The following JAZF1 variants were observed in gnomAD, a reference collection of about 807,000 sequenced individuals.
JAZF1 encodes the protein JAZF zinc finger 1.
In JAZF1, 8 loss-of-function variants were observed where a neutral mutation model predicts 26.4. The ratio of observed to expected loss-of-function variants is 0.30; its 90% CI spans 0.18 to 0.55. The LOEUF (loss-of-function observed/expected upper bound fraction) is 0.55. Among genes scored for constraint, JAZF1 ranks in the 20% least tolerant of loss-of-function variants. The pLI is 0.94. For synonymous variants in JAZF1, 126 were observed against 122.3 expected, an observed-to-expected ratio of 1.03 and a Z score of -0.20; for missense variants, 199 against 322.0, an observed-to-expected ratio of 0.62 and a Z score of 2.92.
At chr7:28,152,960 G>C (rs1399479733) in intron 1 of JAZF1, among the ~76,000 whole-genome samples, 2 of 152,190 alleles carry the variant, frequency 1.3e-5, no homozygotes, top group Non-Finnish European at 2.9e-5. Context: ...GTGTAAATTG[G>C]TGTTGCATTT....
At chr7:28,158,018 T>C (rs2127950625) in intron 1 of JAZF1, among the ~76,000 whole-genome samples, 1 of 152,132 alleles carries the variant, frequency 6.6e-6, no homozygotes, top group East Asian at 1.9e-4. Flanking sequence ...TATTCTCTCT[T>C]TATCTCTGCA....
chr7:28,109,977 G>A (rs1784615951), intron 1 of JAZF1, among the ~76,000 whole-genome samples: 2 of 152,076 alleles, frequency 1.3e-5, no homozygotes, highest in African/African-American at 4.8e-5. Flanking sequence ...AAGCTGCAAA[G>A]GTTACATTAC....
At chr7:27,892,595 G>A (rs1441536110) in intron 3 of JAZF1, among the ~76,000 whole-genome samples, 2 of 152,194 alleles carry the variant, frequency 1.3e-5, no homozygotes, top group Admixed American at 6.5e-5. Context: ...CATATTATAT[G>A]TGAATAAGTA....
chr7:28,122,820 T>G (rs753370377), intron 1 of JAZF1, among the ~76,000 whole-genome samples: 7 of 152,198 alleles, frequency 4.6e-5, no homozygotes, highest in Non-Finnish European at 8.8e-5. Context: ...GAAAATCTAG[T>G]GAGCCTCTAG....
At chr7:27,881,340 A>C (rs1288425589) in intron 3 of JAZF1, among the ~76,000 whole-genome samples, 1 of 152,218 alleles carries the variant, frequency 6.6e-6, no homozygotes, top group Non-Finnish European at 1.5e-5. Context: ...TTAAATATTA[A>C]CCATTTGTCA....
At chr7:27,903,010 C>T (rs536694215) in intron 2 of JAZF1, among the ~76,000 whole-genome samples, 37 of 104,858 alleles carry the variant, frequency 3.5e-4, no homozygotes, top group African/African-American at 7.5e-4. Flanking sequence ...AGCGAGACTC[C>T]GTCTTAAAAA....
At chr7:27,961,373 A>G (rs1316311048) in intron 2 of JAZF1, among the ~76,000 whole-genome samples, 1 of 152,218 alleles carries the variant, frequency 6.6e-6, no homozygotes, top group African/African-American at 2.4e-5. Flanking sequence ...TATGATGTGT[A>G]TATGAAACGT....
intron 1 of JAZF1, among the ~76,000 whole-genome samples, chr7:28,054,235 G>A (rs1440279505): frequency 1.3e-5 from 2 of 152,118 alleles, no homozygotes; most frequent in Non-Finnish European, 2.9e-5. Flanking sequence ...TTAATAGGAT[G>A]GCTCTCTTAT....
At chr7:28,023,974 G>C (rs894370297) in intron 1 of JAZF1, among the ~76,000 whole-genome samples, 2 of 152,110 alleles carry the variant, frequency 1.3e-5, no homozygotes, top group Non-Finnish European at 2.9e-5. Flanking sequence ...AGAGCAGAAA[G>C]TCAGGAGCGG....
intron 1 of JAZF1, among the ~76,000 whole-genome samples, chr7:27,999,686 C>T (rs116122890): frequency 9.5e-4 from 144 of 152,206 alleles, no homozygotes; most frequent in African/African-American, 3.0e-3. Flanking sequence ...ATCTTAGAGG[C>T]CACAAATCCT....
chr7:28,040,349 A>G (rs1176956090), intron 1 of JAZF1, among the ~76,000 whole-genome samples: 2 of 152,216 alleles, frequency 1.3e-5, no homozygotes, highest in African/African-American at 2.4e-5. Context: ...GCAGTTTACA[A>G]TCTAGATGGG....
chr7:27,858,943 A>G (rs1360759572), intron 3 of JAZF1, among the ~76,000 whole-genome samples: 1 of 152,212 alleles, frequency 6.6e-6, no homozygotes, highest in Non-Finnish European at 1.5e-5. Context: ...TGAACAGGAA[A>G]CCTACAGAAT....
chr7:28,167,955 C>T (rs1017936930), intron 1 of JAZF1, among the ~76,000 whole-genome samples: 4 of 152,170 alleles, frequency 2.6e-5, no homozygotes, highest in Admixed American at 6.5e-5. Flanking sequence ...CTTTGCACCC[C>T]GCCATTCATA....
At position 28,180,691 on chromosome 7, in the gene JAZF1, C is replaced by T. The variant is rs1219390401; in HGVS notation, c.-114G>A. On this transcript the variant is annotated 5_prime_UTR_variant, in exon 1 of 5. Coordinates refer to ENST00000283928, the MANE Select transcript of JAZF1 (RefSeq NM_175061.4). ...AGGGGCTGGGGGAGGGGGAGAGAGGCGGGGTGAGGGGAGCGGCGAGGACGG... is the reference window on the plus strand; with the variant it reads ...AGGGGCTGGGGGAGGGGGAGAGAGGTGGGGTGAGGGGAGCGGCGAGGACGG... The T allele has an allele frequency of 2.2e-5, 4 of 180,140 alleles. No individual in the cohort carries two copies. The highest frequency in any genetic ancestry group is 1.2e-4 in the East Asian group (1 of 8,236). The allele number at this position is 180,140 out of a possible 1,614,324, so 11.2% of individuals were successfully genotyped here. A position where few individuals can be genotyped will look rare whatever the true frequency, so the allele number is the denominator to read the frequency against.
At chr7:28,112,162 A>C (rs1225478610) in intron 1 of JAZF1, among the ~76,000 whole-genome samples, 2 of 152,204 alleles carry the variant, frequency 1.3e-5, no homozygotes, top group African/African-American at 4.8e-5. Context: ...ACTTAGAACA[A>C]ATACCACTAG....
intron 1 of JAZF1, among the ~76,000 whole-genome samples, chr7:28,050,926 G>T (rs985405679): frequency 6.6e-6 from 1 of 152,088 alleles, no homozygotes; most frequent in African/African-American, 2.4e-5. Flanking sequence ...AAGGTCAGGA[G>T]TTCAAGACCA....
At chr7:27,908,738 T>G (rs1784306367) in intron 2 of JAZF1, among the ~76,000 whole-genome samples, 1 of 152,222 alleles carries the variant, frequency 6.6e-6, no homozygotes, top group South Asian at 2.1e-4. Context: ...CCAATGCACT[T>G]TTTGTTCTGT....
At chr7:27,903,588 G>C (rs898067698) in intron 2 of JAZF1, among the ~76,000 whole-genome samples, 1 of 152,146 alleles carries the variant, frequency 6.6e-6, no homozygotes, top group Non-Finnish European at 1.5e-5. Context: ...AACAGAAAAA[G>C]AAGGTTCCTC....
At chr7:28,118,288 G>C (rs1325422276) in intron 1 of JAZF1, 1 of 152,092 alleles carries the variant, frequency 6.6e-6, no homozygotes, top group East Asian at 1.9e-4. Flanking sequence ...AGGCCGAGGC[G>C]GGTGGATCAC....
Sources: gnomAD v4.1 joint callset for allele counts (sites outside exome capture counted in the v4.1 genomes callset) on GRCh38, gnomAD v4.1.1 for gene constraint, MANE v1.5 for transcripts, NCBI Gene and HGNC (gene_info 2026-07-23, HGNC 2026-07-21) for gene names.